The following UNC79 variants were observed in gnomAD, a reference collection of about 807,000 sequenced individuals.
UNC79 encodes unc-79 subunit of NALCN channel complex, also known as protein unc-79 homolog.
UNC79 carries 37 observed loss-of-function variants against 283.1 expected under a neutral mutation model. The observed-to-expected ratio is 0.13, with a 90% CI of 0.10 to 0.17. The LOEUF (loss-of-function observed/expected upper bound fraction) is 0.17, where lower values mean the gene tolerates loss of function less well. UNC79 is among the 10% of genes least tolerant of loss of function. The pLI, the probability that UNC79 is intolerant of heterozygous loss-of-function variation, is 1.00. For missense variants in UNC79, 2,272 were observed against 3,211.1 expected (o/e 0.71, Z 7.07); for synonymous variants, 1,107 against 1,200.2 (o/e 0.92, Z 1.61).
chr14:93,539,721 C>G (rs1364799525), intron 12 of UNC79, among the ~76,000 whole-genome samples: 1 of 152,034 alleles, frequency 6.6e-6, no homozygotes, highest in African/African-American at 2.4e-5. Flanking sequence ...TCACCATCAT[C>G]ATCAGTGTTG....
chr14:93,443,951 G>T (rs1250659082), intron 1 of UNC79, among the ~76,000 whole-genome samples: 1 of 152,088 alleles, frequency 6.6e-6, no homozygotes, highest in Non-Finnish European at 1.5e-5. Context: ...ATTTCTCTAG[G>T]TTGAATACCT....
At chr14:93,521,491 A>C (rs1177704936) in intron 7 of UNC79, among the ~76,000 whole-genome samples, 1 of 151,874 alleles carries the variant, frequency 6.6e-6, no homozygotes, top group African/African-American at 2.4e-5. Flanking sequence ...TAAAAACAAG[A>C]CCATACTATT....
intron 14 of UNC79, among the ~76,000 whole-genome samples, chr14:93,561,339 T>C (rs2062538679): frequency 6.6e-6 from 1 of 151,794 alleles, no homozygotes; most frequent in Non-Finnish European, 1.5e-5. Flanking sequence ...TTAAAGTAAG[T>C]GTGGAGGAGG....
chr14:93,647,062 G>A (rs556026891), intron 35 of UNC79, among the ~76,000 whole-genome samples: 3 of 152,242 alleles, frequency 2.0e-5, no homozygotes, highest in African/African-American at 2.4e-5. Context: ...GATTCCTGCC[G>A]TCATGGGGCT....
intron 26 of UNC79, among the ~76,000 whole-genome samples, chr14:93,612,372 G>A (rs1344801485): frequency 6.6e-6 from 1 of 152,094 alleles, no homozygotes; most frequent in African/African-American, 2.4e-5. Flanking sequence ...TGCCCTCAGT[G>A]GATTTTAGAC....
chr14:93,672,896 A>G (rs542714872), intron 40 of UNC79, among the ~76,000 whole-genome samples: 2 of 152,364 alleles, frequency 1.3e-5, no homozygotes, highest in South Asian at 2.1e-4. Flanking sequence ...TGGTAGGTGC[A>G]TACTGTATTC....
chr14:93,426,521 C>T (rs373042947), upstream of UNC79, among the ~76,000 whole-genome samples: 28 of 151,514 alleles, frequency 1.8e-4, no homozygotes, highest in East Asian at 2.5e-3. Context: ...GTTATTGTCT[C>T]ACAGGCCCCA....
upstream of UNC79, among the ~76,000 whole-genome samples, chr14:93,426,238 A>G (rs2140080525): frequency 6.6e-6 from 1 of 151,988 alleles, no homozygotes; most frequent in South Asian, 2.1e-4. Flanking sequence ...ATTGTATATC[A>G]TTCTCTGGTT....
At chr14:93,545,815 G>A (rs956307210) in intron 14 of UNC79, among the ~76,000 whole-genome samples, 7 of 152,188 alleles carry the variant, frequency 4.6e-5, no homozygotes, top group African/African-American at 1.7e-4. Flanking sequence ...GAGGCCAGCC[G>A]TGCCACACGA....
intron 14 of UNC79, among the ~76,000 whole-genome samples, chr14:93,569,508 G>T (rs1323384015): frequency 1.3e-5 from 2 of 152,208 alleles, no homozygotes; most frequent in Non-Finnish European, 2.9e-5. Flanking sequence ...GATGGTAGAA[G>T]ATTTACATCT....
chr14:93,614,098 T>C (rs565494765), intron 27 of UNC79, among the ~76,000 whole-genome samples: 9 of 151,698 alleles, frequency 5.9e-5, no homozygotes, highest in South Asian at 4.2e-4. Flanking sequence ...GCATGGGAGA[T>C]TTTTTTCCTT....
exon 9 of UNC79, chr14:93,528,564 A>G: frequency 1.9e-6 from 3 of 1,613,892 alleles, no homozygotes; most frequent in Non-Finnish European, 2.5e-6. Flanking sequence ...TCAGATGTGT[A>G]TAGACCCTTC....
intron 18 of UNC79, among the ~76,000 whole-genome samples, chr14:93,578,304 G>A (rs1044169934): frequency 7.2e-5 from 11 of 152,188 alleles, no homozygotes; most frequent in African/African-American, 2.7e-4. Flanking sequence ...AGTGTCATTA[G>A]AATTGATTCT....
chr14:93,440,713 A>G (rs2056269623), intron 1 of UNC79, among the ~76,000 whole-genome samples: 1 of 152,074 alleles, frequency 6.6e-6, no homozygotes, highest in African/African-American at 2.4e-5. Flanking sequence ...AAAAGTGCAT[A>G]AATTTCCATG....
chr14:93,688,690 C>A lies in UNC79; in HGVS notation c.6935C>A (p.Pro2312His). ...AGCCACATGAAGACATGTTCCCAGCCTCTGCATGAAGATACCTTTGGGGGA... is the reference window on the plus strand; with the variant it reads ...AGCCACATGAAGACATGTTCCCAGCATCTGCATGAAGATACCTTTGGGGGA... Residue 2312 changes from proline to histidine, a missense_variant, in exon 44 of 49, where the codon CCT becomes CAT. By Grantham distance (77) the Pro-to-His change is moderately conservative. Around this residue, in one of 11 missense-constraint regions of UNC79, gnomAD observed 287 missense variants for 446.4 expected, o/e 0.64. Coordinates refer to ENST00000555664, the Ensembl canonical transcript of UNC79. This position sits in a 1 kb window ranked among gnomAD's most constrained non-coding sequence, Gnocchi z 4.0. 1 of 1,613,912 alleles carries A rather than the reference C, an allele frequency of 6.2e-7. No homozygotes were observed. Among genetic ancestry groups the A allele is most frequent in the Non-Finnish European group, 8.5e-7 (1 of 1,179,912 alleles).
At position 93,597,527 on chromosome 14, in the gene UNC79, G is replaced by A. The variant is rs774094989; in HGVS notation, c.3359G>A (p.Arg1120Lys). 4.3e-6 allele frequency: 7 copies of A among 1,612,020 alleles called. No individual in the cohort carries two copies. The East Asian group carries it at 6.7e-5, about 15-fold the overall frequency. ...GGTCTCCTGCTTGACACCATAAAGA[G>A]GCCAGCATTGCAGGTGACATGTGAT... Residue 1120 changes from arginine (R) to lysine (K), a missense_variant, in exon 24 of 49, where the codon AGG becomes AAG. This residue lies in a region of UNC79 where 237 missense variants were observed against 378.9 expected (regional missense o/e 0.63). Coordinates refer to ENST00000555664, the Ensembl canonical transcript of UNC79.
At chr14:93,627,583 T>C (rs1417445350) in intron 30 of UNC79, among the ~76,000 whole-genome samples, 1 of 152,192 alleles carries the variant, frequency 6.6e-6, no homozygotes, top group African/African-American at 2.4e-5. Flanking sequence ...CAAGCCGTGT[T>C]GCACAGGCAC....
At chr14:93,677,747 T>C (rs555760914) in intron 41 of UNC79, among the ~76,000 whole-genome samples, 6 of 152,248 alleles carry the variant, frequency 3.9e-5, no homozygotes, top group African/African-American at 1.2e-4. Flanking sequence ...CCTCCTGGAT[T>C]CAAGTGATTC....
chr14:93,509,415 C>G (rs2059708386), intron 7 of UNC79, among the ~76,000 whole-genome samples: 1 of 152,136 alleles, frequency 6.6e-6, no homozygotes, highest in Non-Finnish European at 1.5e-5. Context: ...AAGTCAACAG[C>G]CTGAAGTCTT....
Sources: gnomAD v4.1 joint callset for allele counts (sites outside exome capture counted in the v4.1 genomes callset) on GRCh38, gnomAD v4.1.1 for gene constraint, gnomAD v4.1.1 regional missense constraint, Gnocchi (gnomAD v3.1) non-coding constraint, MANE v1.5 for transcripts, NCBI Gene and HGNC (gene_info 2026-07-23, HGNC 2026-07-21) for gene names.